Variants in UNC5D observed in about 807,000 individuals in gnomAD.
UNC5D encodes netrin receptor UNC5D.
UNC5D carries 39 observed loss-of-function variants against 105.4 expected under a neutral mutation model. That is an observed-to-expected ratio of 0.37 (90% CI 0.29 to 0.48). The LOEUF is 0.48. Ranked by LOEUF, UNC5D falls within the 20% of genes least tolerant of loss-of-function variation. The pLI is 0.98. For synonymous variants in UNC5D, 452 were observed against 450.4 expected (o/e 1.00, Z -0.04); for missense variants, 991 against 1,202.4 (o/e 0.82, Z 2.60).
At chr8:35,761,228 C>A (rs1186441447) in intron 14 of UNC5D, among the ~76,000 whole-genome samples, 3 of 152,182 alleles carry the variant, frequency 2.0e-5, no homozygotes, top group African/African-American at 7.2e-5. Flanking sequence ...GATAGTCATG[C>A]AAATTCCTCT....
intron 1 of UNC5D, among the ~76,000 whole-genome samples, chr8:35,391,033 C>T (rs1028026027): frequency 2.0e-5 from 3 of 152,180 alleles, no homozygotes; most frequent in African/African-American, 7.2e-5. Context: ...TCTGTACTTT[C>T]ATCTGTGACT....
intron 1 of UNC5D, among the ~76,000 whole-genome samples, chr8:35,345,895 TGAAA>T (rs949479167): frequency 1.3e-5 from 2 of 152,044 alleles, no homozygotes; most frequent in Admixed American, 6.6e-5. Context: ...CATCACCAAC[TGAAA>T]GAAAGAAGAT....
At chr8:35,538,395 TTATATATATATATATATATA>T (rs10524805) in intron 1 of UNC5D, among the ~76,000 whole-genome samples, 25,374 of 82,442 alleles carry the variant, frequency 0.31, 3,111 homozygotes, top group African/African-American at 0.37. Flanking sequence ...AAAAAAATAA[TTATATATATATATATATATA>T]TATATATATA....
intron 1 of UNC5D, among the ~76,000 whole-genome samples, chr8:35,493,275 T>C (rs778030331): frequency 1.5e-4 from 17 of 114,574 alleles, no homozygotes; most frequent in Middle Eastern, 4.9e-3. Context: ...CAGTAAAGTC[T>C]GTGACCAAAA....
At chr8:35,718,101 T>TG (rs1364927940) in intron 8 of UNC5D, among the ~76,000 whole-genome samples, 14 of 151,872 alleles carry the variant, frequency 9.2e-5, no homozygotes, top group African/African-American at 3.4e-4. Context: ...TGGGGGCTTT[T>TG]TTTTTTTTAA....
intron 4 of UNC5D, among the ~76,000 whole-genome samples, chr8:35,666,775 A>G (rs921284330): frequency 6.6e-6 from 1 of 152,158 alleles, no homozygotes; most frequent in African/African-American, 2.4e-5. Flanking sequence ...TGAAAACTCA[A>G]TTTGGTTAGT....
chr8:35,292,772 A>G (rs552504814), intron 1 of UNC5D, among the ~76,000 whole-genome samples: 4 of 128,266 alleles, frequency 3.1e-5, no homozygotes, highest in South Asian at 2.4e-4. Context: ...GCTGGTGTGC[A>G]GTGGTGCAAT....
At chr8:35,265,386 C>T (rs1217167593) in intron 1 of UNC5D, among the ~76,000 whole-genome samples, 16 of 152,190 alleles carry the variant, frequency 1.1e-4, no homozygotes, top group South Asian at 6.2e-4. Flanking sequence ...CTTTTCAGCT[C>T]ATGAGTTCTC....
chr8:35,785,987 G>C (rs536561057), intron 16 of UNC5D, among the ~76,000 whole-genome samples: 1 of 151,968 alleles, frequency 6.6e-6, no homozygotes, highest in African/African-American at 2.4e-5. Flanking sequence ...TTTTGATTTC[G>C]CAATAATGAA....
intron 10 of UNC5D, chr8:35,726,828 A>T: frequency 2.7e-6 from 1 of 368,566 alleles, no homozygotes; most frequent in Non-Finnish European, 4.9e-6. Context: ...TTTGGAGTAT[A>T]TTTCCTAGGC....
In UNC5D at chr8:35,561,385, C is replaced by T. The variant is rs182371580; in HGVS notation, c.323-6713C>T. On this transcript the variant is annotated intron_variant, in intron 2 of 16. Transcript: ENST00000404895. ...ACATGTTCCCCTACCAGTTCTGCCT[C>T]CTGAAAGACCCCCATGCTTCCCCAT... 4.6e-5 allele frequency among the ~76,000 whole-genome samples: 7 copies of T among 152,294 alleles called. 1 individual carries two copies. The highest frequency in any genetic ancestry group is 2.6e-4 in the Admixed American group (4 of 15,296).
intron 1 of UNC5D, among the ~76,000 whole-genome samples, chr8:35,240,898 A>C (rs1362388980): frequency 6.6e-6 from 1 of 152,222 alleles, no homozygotes; most frequent in African/African-American, 2.4e-5. Flanking sequence ...GATTGGATTC[A>C]CACTTAAAAT....
At chr8:35,489,009 A>G (rs914534406) in intron 1 of UNC5D, among the ~76,000 whole-genome samples, 85 of 143,282 alleles carry the variant, frequency 5.9e-4, no homozygotes, top group African/African-American at 2.0e-3. Flanking sequence ...TCTCCCCCCA[A>G]TTTTTTTTTT....
intron 11 of UNC5D, among the ~76,000 whole-genome samples, chr8:35,747,080 T>C: frequency 6.6e-6 from 1 of 152,208 alleles, no homozygotes; most frequent in South Asian, 2.1e-4. Flanking sequence ...ATAGGAAGAA[T>C]TGTCCATTTT....
At chr8:35,720,257 C>T (rs1452949184) in intron 8 of UNC5D, among the ~76,000 whole-genome samples, 47 of 152,176 alleles carry the variant, frequency 3.1e-4, no homozygotes, top group Admixed American at 3.1e-3. Flanking sequence ...TATTTTAGTA[C>T]CTGGAAAACT....
intron 1 of UNC5D, among the ~76,000 whole-genome samples, chr8:35,444,430 C>T (rs1366762802): frequency 6.6e-6 from 1 of 151,868 alleles, no homozygotes; most frequent in Non-Finnish European, 1.5e-5. Context: ...TATGGAAGGG[C>T]CTGATTAATT....
At chr8:35,626,065 C>T (rs1166425676) in intron 4 of UNC5D, among the ~76,000 whole-genome samples, 4 of 152,000 alleles carry the variant, frequency 2.6e-5, no homozygotes, top group Non-Finnish European at 5.9e-5. Context: ...TCTTTTTTCC[C>T]TCTTGATGTA....
At chr8:35,504,970 A>G (rs912279721) in intron 1 of UNC5D, among the ~76,000 whole-genome samples, 3 of 152,204 alleles carry the variant, frequency 2.0e-5, no homozygotes, top group Admixed American at 2.0e-4. Context: ...AAGACGAGGT[A>G]AAGTATTCAT....
At chr8:35,255,767 A>G (rs1341281933) in intron 1 of UNC5D, 1 of 152,188 alleles carries the variant, frequency 6.6e-6, no homozygotes, top group Non-Finnish European at 1.5e-5. Context: ...TATTCAAATT[A>G]TATTCTGCTT....
Sources: gnomAD v4.1 joint callset for allele counts (sites outside exome capture counted in the v4.1 genomes callset) on GRCh38, gnomAD v4.1.1 for gene constraint, MANE v1.5 for transcripts, NCBI Gene and HGNC (gene_info 2026-07-23, HGNC 2026-07-21) for gene names.